OTOGL: variants seen among roughly 807,000 people sequenced by gnomAD.
The protein encoded by OTOGL is otogelin like.
In OTOGL, 285 loss-of-function variants were observed where a neutral mutation model predicts 318.5. The ratio of observed to expected loss-of-function variants is 0.89; its 90% CI spans 0.81 to 0.99. OTOGL has a LOEUF of 0.99. Among genes scored for constraint, OTOGL ranks in the 50% least tolerant of loss-of-function variants. The pLI, the probability that OTOGL is intolerant of heterozygous loss-of-function variation, is 0.00. For synonymous variants in OTOGL, 987 were observed against 936.5 expected, an observed-to-expected ratio of 1.05 and a Z score of -0.99; for missense variants, 2,899 against 2,845.6, an observed-to-expected ratio of 1.02 and a Z score of -0.43.
At chr12:80,107,533 C>T (rs541625058) in intron 1 of OTOGL, among the ~76,000 whole-genome samples, 7 of 152,238 alleles carry the variant, frequency 4.6e-5, no homozygotes, top group Non-Finnish European at 5.9e-5. Context: ...TTGTAGAAAG[C>T]AGTGTGGTGG....
intron 1 of OTOGL, among the ~76,000 whole-genome samples, chr12:80,152,411 C>T (rs1872842482): frequency 6.6e-6 from 1 of 152,016 alleles, no homozygotes; most frequent in Non-Finnish European, 1.5e-5. Flanking sequence ...ATCTTCCCTC[C>T]CAAATTTCAG....
chr12:80,314,191 C>T (rs71463866), intron 31 of OTOGL, 114 bp from the exon 32 acceptor site: 4 of 327,774 alleles, frequency 1.2e-5, no homozygotes, highest in South Asian at 1.5e-4. Flanking sequence ...CTAAATAATA[C>T]CATTTTATAT....
chr12:80,358,747 T>C lies in OTOGL; in HGVS notation c.6198T>C (p.Ser2066=), dbSNP rs369915817. 5 of 1,611,656 alleles carry C rather than the reference T, an allele frequency of 3.1e-6. No homozygotes were observed. Among genetic ancestry groups the C allele is most frequent in the South Asian group, 1.1e-5 (1 of 90,998 alleles). The stretch of plus-strand genomic sequence containing the variant: ...TGAATCTTGTGAAAGAAAATGTATC[T>C]GGTCAATGTTGCCCAACATGGCACT... ...EDMNLVKENV[S]GQCCPTWHCE... Residue 2066 remains serine (S), a synonymous_variant, in exon 51 of 59, where the codon TCT becomes TCC. Coordinates refer to ENST00000547103, the MANE Select transcript of OTOGL (RefSeq NM_001378609.3).
chr12:80,376,741 A>G (rs1478058230), intron 57 of OTOGL, among the ~76,000 whole-genome samples: 1 of 152,158 alleles, frequency 6.6e-6, no homozygotes, highest in Non-Finnish European at 1.5e-5. Flanking sequence ...CATTAATTAC[A>G]TATGCATATA....
At position 80,352,321 on chromosome 12, in the gene OTOGL, G is replaced by T. The variant is rs1048759550; in HGVS notation, c.5292G>T (p.Lys1764Asn). The T allele has an allele frequency of 6.8e-6, 11 of 1,610,826 alleles. No homozygotes were observed. Among genetic ancestry groups the T allele is most frequent in the African/African-American group, 6.7e-5 (5 of 74,782 alleles). Residue 1764 changes from lysine to asparagine, a missense_variant, in exon 45 of 59, where the codon AAG becomes AAT. Around this residue, in one of 3 missense-constraint regions of OTOGL, gnomAD observed 2,607 missense variants for 2,524.9 expected, o/e 1.03. Transcript: ENST00000547103. ...DKVSPEDFCEKMWINYTYFWN... is the reference protein window; with the variant it reads ...DKVSPEDFCENMWINYTYFWN... ...TTTCACCGGAAGACTTTTGTGAAAA[G>T]ATGTGGATCAATTATACCTATTTTT...
At chr12:80,323,963 G>T in intron 35 of OTOGL, 123 bp downstream of exon 35, 1 of 716,204 alleles carries the variant, frequency 1.4e-6, no homozygotes, top group Non-Finnish European at 2.3e-6. Context: ...ATTCTTTCAT[G>T]ATATTAATTT....
At chr12:80,253,341 A>G in intron 13 of OTOGL, 125 bp from the exon 14 acceptor site, 2 of 825,578 alleles carry the variant, frequency 2.4e-6, no homozygotes, top group Non-Finnish European at 3.8e-6. Context: ...CACTGAAAGT[A>G]AAGAAATTTG....
At position 80,258,022 on chromosome 12, in the gene OTOGL, A is replaced by G. The variant is rs761178972; in HGVS notation, c.1889+20A>G. ...TTTTCTGTAAGTATGATTTCTGCAT[A>G]GTTAACATACTTAATGACTGGTCAT... On this transcript the variant is annotated intron_variant, in intron 18 of 58. Coordinates refer to ENST00000547103, the MANE Select transcript of OTOGL (RefSeq NM_001378609.3). 2 of 1,555,216 alleles carry G rather than the reference A, an allele frequency of 1.3e-6. No individual in the cohort carries two copies. The highest frequency in any genetic ancestry group is 1.7e-6 in the Non-Finnish European group (2 of 1,161,296).
intron 58 of OTOGL, among the ~76,000 whole-genome samples, chr12:80,377,630 A>G (rs148860212): frequency 2.2e-3 from 329 of 152,230 alleles, no homozygotes; most frequent in African/African-American, 7.6e-3. Context: ...TGCACATTTA[A>G]TGCTTTGAAT....
intron 19 of OTOGL, among the ~76,000 whole-genome samples, chr12:80,263,866 G>T (rs1235532709): frequency 1.3e-5 from 2 of 151,880 alleles, no homozygotes; most frequent in Admixed American, 6.6e-5. Context: ...CAAATTGTTA[G>T]CCTCTTTGGT....
intron 26 of OTOGL, among the ~76,000 whole-genome samples, chr12:80,291,055 T>C (rs1262765251): frequency 2.0e-5 from 3 of 152,214 alleles, no homozygotes; most frequent in East Asian, 1.9e-4. Flanking sequence ...GCATTTATCA[T>C]TGTCATTTCA....
intron 1 of OTOGL, among the ~76,000 whole-genome samples, chr12:80,156,509 C>G (rs1202195479): frequency 1.3e-5 from 2 of 152,142 alleles, no homozygotes; most frequent in Non-Finnish European, 2.9e-5. Flanking sequence ...TGGCTGCGTC[C>G]CCCATACAGG....
chr12:80,176,055 A>T (rs1342812852), intron 1 of OTOGL, among the ~76,000 whole-genome samples: 1 of 152,218 alleles, frequency 6.6e-6, no homozygotes, highest in African/African-American at 2.4e-5. Flanking sequence ...CTAGCAAAGA[A>T]GTAGGAGTCT....
intron 7 of OTOGL, among the ~76,000 whole-genome samples, chr12:80,224,870 T>C: frequency 6.6e-6 from 1 of 152,066 alleles, no homozygotes; most frequent in East Asian, 1.9e-4. Flanking sequence ...ATCTTAATTG[T>C]ACATTTTTAA....
chr12:80,135,034 C>T (rs969254749), intron 1 of OTOGL, among the ~76,000 whole-genome samples: 1 of 152,170 alleles, frequency 6.6e-6, no homozygotes, highest in Admixed American at 6.5e-5. Flanking sequence ...ATCACTTCTA[C>T]ATCATCTCTG....
chr12:80,263,706 C>A (rs1882729028), intron 19 of OTOGL, among the ~76,000 whole-genome samples: 1 of 151,342 alleles, frequency 6.6e-6, no homozygotes. Context: ...TAAAAAAATT[C>A]AAATAGGTAA....
intron 34 of OTOGL, among the ~76,000 whole-genome samples, chr12:80,322,721 A>G (rs1352644996): frequency 6.6e-6 from 1 of 152,150 alleles, no homozygotes; most frequent in Non-Finnish European, 1.5e-5. Context: ...CTTGCAGGAG[A>G]AAAACTTCAA....
intron 49 of OTOGL, among the ~76,000 whole-genome samples, chr12:80,357,382 A>C (rs1889973920): frequency 6.6e-6 from 1 of 151,466 alleles, no homozygotes; most frequent in African/African-American, 2.4e-5. Flanking sequence ...TGGTGAACTG[A>C]ATATTGAAAT....
At chr12:80,262,412 A>C (rs981909718) in intron 19 of OTOGL, among the ~76,000 whole-genome samples, 2 of 152,072 alleles carry the variant, frequency 1.3e-5, no homozygotes, top group Non-Finnish European at 2.9e-5. Context: ...AGAGTCTTTA[A>C]ATACTAAAGA....
Sources: allele counts gnomAD v4.1 joint callset (sites outside exome capture counted in the v4.1 genomes callset), GRCh38; gene constraint gnomAD v4.1.1; regional missense constraint gnomAD v4.1.1; transcripts MANE v1.5; gene names NCBI Gene and HGNC (gene_info 2026-07-23, HGNC 2026-07-21).